Variants in FGF13 observed in about 807,000 individuals in gnomAD.
The protein encoded by FGF13 is fibroblast growth factor 13.
FGF13 carries 2 observed loss-of-function variants against 19.5 expected under a neutral mutation model. The ratio of observed to expected loss-of-function variants is 0.10; its 90% CI spans 0.04 to 0.32. FGF13 has a LOEUF of 0.32. Among genes scored for constraint, FGF13 ranks in the 10% least tolerant of loss-of-function variants. FGF13 has a pLI of 1.00. For synonymous variants in FGF13, 72 were observed against 76.9 expected (o/e 0.94, Z 0.33); for missense variants, 113 against 192.7 (o/e 0.59, Z 2.45).
At chrX:138,996,288 G>T (rs190285736) in intron 1 of FGF13, among the ~76,000 whole-genome samples, 6 of 112,349 alleles carry the variant, frequency 5.3e-5, no homozygotes, top group African/African-American at 1.9e-4. Context: ...AAGGGAAGCC[G>T]TGAGAGACTT....
At chrX:138,804,750 A>G (rs866978246) in intron 3 of FGF13, among the ~76,000 whole-genome samples, 21 of 112,254 alleles carry the variant, frequency 1.9e-4, no homozygotes, top group African/African-American at 6.5e-4. Flanking sequence ...ATATTAAAAA[A>G]CAGTTCACAT....
intron 3 of FGF13, among the ~76,000 whole-genome samples, chrX:138,657,725 G>A (rs1220220444): frequency 8.9e-6 from 1 of 111,780 alleles, no homozygotes; most frequent in Non-Finnish European, 1.9e-5. Context: ...TTAGCCAAAA[G>A]GCCGAGAAGC....
At chrX:139,110,174 G>A (rs187216333) in intron 1 of FGF13, among the ~76,000 whole-genome samples, 2 of 108,814 alleles carry the variant, frequency 1.8e-5, no homozygotes, top group East Asian at 2.9e-4. Context: ...TTTTATATTC[G>A]TATACTATAA....
intron 1 of FGF13, among the ~76,000 whole-genome samples, chrX:139,156,014 T>C (rs1461324220): frequency 8.9e-6 from 1 of 111,737 alleles, no homozygotes; most frequent in African/African-American, 3.3e-5. Flanking sequence ...AGCAGAATAT[T>C]CTCCAGACCC....
At position 138,632,810 on chromosome X, in the gene FGF13, G is replaced by A. The variant is rs762751642; in HGVS notation, c.*40C>T. ...TAGAAGAATTCAACAGCACCTGGAG[G>A]TAAGGTTCTGTTACAGAGCCCTTCT... is the stretch of plus-strand genomic sequence containing the variant. On this transcript the variant is annotated 3_prime_UTR_variant, in exon 5 of 5. Coordinates refer to ENST00000315930, the MANE Select transcript of FGF13 (RefSeq NM_004114.5). 13 of 1,178,670 alleles carry A rather than the reference G, an allele frequency of 1.1e-5. No individual in the cohort carries two copies. The highest frequency in any genetic ancestry group is 1.5e-5 in the Non-Finnish European group (13 of 873,912).
chrX:139,002,509 A>C (rs754725217), intron 1 of FGF13, among the ~76,000 whole-genome samples: 1 of 111,323 alleles, frequency 9.0e-6, no homozygotes, highest in African/African-American at 3.3e-5. Context: ...CAGTAGACTC[A>C]GGGGGATATG....
chrX:138,961,847 A>G (rs1936010979), intron 1 of FGF13, among the ~76,000 whole-genome samples: 1 of 112,029 alleles, frequency 8.9e-6, no homozygotes, highest in African/African-American at 3.3e-5. Context: ...TTAATTCAAG[A>G]TGGATTAAAG....
chrX:138,699,293 C>T (rs1008670935), intron 3 of FGF13, among the ~76,000 whole-genome samples: 5 of 111,831 alleles, frequency 4.5e-5, no homozygotes, highest in African/African-American at 1.6e-4. Context: ...CATCACCCTT[C>T]CATCTCTTCT....
chrX:138,746,443 C>T (rs1305606809), intron 3 of FGF13, among the ~76,000 whole-genome samples: 3 of 111,389 alleles, frequency 2.7e-5, no homozygotes, highest in South Asian at 3.8e-4. Context: ...CTATTGACCA[C>T]AGAGCTATTT....
chrX:139,178,238 T>C, intron 1 of FGF13, among the ~76,000 whole-genome samples: 2 of 112,596 alleles, frequency 1.8e-5, no homozygotes, highest in Admixed American at 1.9e-4. Context: ...GAAGCTATAC[T>C]TGGCTATGCC....
At chrX:138,646,904 A>G (rs755608188) in intron 3 of FGF13, among the ~76,000 whole-genome samples, 1 of 111,835 alleles carries the variant, frequency 8.9e-6, no homozygotes, top group East Asian at 2.8e-4. Flanking sequence ...GTGAAAACAC[A>G]GAAAGTTAAA....
chrX:138,825,080 T>C (rs1274664361), intron 3 of FGF13, among the ~76,000 whole-genome samples: 1 of 112,041 alleles, frequency 8.9e-6, no homozygotes, highest in Non-Finnish European at 1.9e-5. Context: ...GTTATTACAC[T>C]GATCTTCTCT....
intron 3 of FGF13, among the ~76,000 whole-genome samples, chrX:138,787,098 G>C (rs921312306): frequency 8.9e-6 from 1 of 112,683 alleles, no homozygotes; most frequent in African/African-American, 3.2e-5. Context: ...CTTTAAAGTG[G>C]AGGGTTTTGT....
In FGF13 at chrX:138,711,068, C is replaced by T; in HGVS notation, c.-65G>A. Reference sequence around the variant, plus strand: ...TCTCTGGGTTCGCCTCCTCCTCCTTCTCCTCCGCTGCTTGTCCGCTGTCTC... The same window carrying T: ...TCTCTGGGTTCGCCTCCTCCTCCTTTTCCTCCGCTGCTTGTCCGCTGTCTC... On this transcript the variant is annotated 5_prime_UTR_variant, in exon 1 of 5. Coordinates refer to ENST00000315930, the MANE Select transcript of FGF13 (RefSeq NM_004114.5). 1.7e-6 allele frequency: 2 copies of T among 1,187,082 alleles called. No homozygotes were observed. Among genetic ancestry groups the T allele is most frequent in the Non-Finnish European group, 2.3e-6 (2 of 885,857 alleles).
intron 3 of FGF13, among the ~76,000 whole-genome samples, chrX:138,810,529 G>A (rs184285753): frequency 1.7e-3 from 194 of 111,555 alleles, no homozygotes; most frequent in African/African-American, 6.3e-3. Flanking sequence ...AGGACATAGG[G>A]ATGCGCAAAG....
chrX:139,059,987 T>C (rs2092331710), intron 1 of FGF13, among the ~76,000 whole-genome samples: 2 of 112,017 alleles, frequency 1.8e-5, no homozygotes, highest in Admixed American at 1.9e-4. Context: ...TATAAATTGA[T>C]AGTCCCTCAA....
intron 3 of FGF13, among the ~76,000 whole-genome samples, chrX:138,640,484 C>T (rs7880684): frequency 0.013 from 1,434 of 111,893 alleles, 20 homozygotes; most frequent in African/African-American, 0.044. Context: ...CCCCTGGCAC[C>T]GAGGGCAAAG....
At chrX:138,843,977 C>T (rs1276126874) in intron 3 of FGF13, among the ~76,000 whole-genome samples, 2 of 111,626 alleles carry the variant, frequency 1.8e-5, no homozygotes, top group African/African-American at 6.5e-5. Flanking sequence ...ATTACATAGA[C>T]TCTATATCAT....
intron 3 of FGF13, among the ~76,000 whole-genome samples, chrX:138,653,038 A>G (rs1313130137): frequency 2.7e-5 from 3 of 112,117 alleles, no homozygotes; most frequent in African/African-American, 9.7e-5. Context: ...ATTGAACAGT[A>G]AAACATCGAA....
Sources: gnomAD v4.1 joint callset for allele counts (sites outside exome capture counted in the v4.1 genomes callset) on GRCh38, gnomAD v4.1.1 for gene constraint, MANE v1.5 for transcripts, NCBI Gene and HGNC (gene_info 2026-07-23, HGNC 2026-07-21) for gene names.